HSD17B11: variants seen among roughly 807,000 people sequenced by gnomAD.
The protein encoded by HSD17B11 is hydroxysteroid 17-beta dehydrogenase 11.
Under a neutral mutation model 27.8 loss-of-function variants are expected in HSD17B11, and 22 were observed. The observed-to-expected ratio is 0.79, with a 90% confidence interval of 0.56 to 1.13. The LOEUF is 1.13. HSD17B11 is among the 50% of genes most tolerant of loss of function. The pLI, the probability that HSD17B11 is intolerant of heterozygous loss-of-function variation, is 0.00. For synonymous variants in HSD17B11, 117 were observed against 132.8 expected (o/e 0.88, Z 0.82); for missense variants, 314 against 351.1 (o/e 0.89, Z 0.84).
chr4:87,371,074 A>G (rs76737657), intron 4 of HSD17B11, among the ~76,000 whole-genome samples: 10,042 of 151,434 alleles, frequency 0.066, 1,162 homozygotes, highest in African/African-American at 0.23. Flanking sequence ...CCTATTTTAC[A>G]GATGAGGGAA....
intron 5 of HSD17B11, among the ~76,000 whole-genome samples, chr4:87,355,620 T>C (rs954964591): frequency 2.0e-5 from 3 of 152,232 alleles, no homozygotes; most frequent in Admixed American, 6.5e-5. Flanking sequence ...TCTCTAGAGC[T>C]CAGCTGGGCA....
rs747082132 is a variant in HSD17B11 at position 87,391,104 on chromosome 4, T to G, written c.-34A>C. ...TGGCTGCGAGCGTTTGGTGTGTTTT[T>G]TTTTTTTTTTACCACTCTAAACTGC... On this transcript the variant is annotated 5_prime_UTR_variant, in exon 1 of 7. Transcript: ENST00000358290. 6.5e-6 allele frequency: 10 copies of G among 1,528,312 alleles called. No homozygotes were observed. In the East Asian group the frequency reaches 1.2e-4, roughly 18 times the overall value. 94.7% of individuals were successfully genotyped at this position (1,528,312 alleles called of 1,614,324 possible). A position where few individuals can be genotyped will look rare whatever the true frequency, so the allele number is the denominator to read the frequency against.
chr4:87,386,310 C>T (rs564756565), intron 1 of HSD17B11, among the ~76,000 whole-genome samples: 50 of 151,896 alleles, frequency 3.3e-4, no homozygotes, highest in Middle Eastern at 3.4e-3. Flanking sequence ...TCAAGTGATT[C>T]TCCTGCCTCA....
chr4:87,370,756 T>TTATTATTATTATTTTA, intron 4 of HSD17B11, among the ~76,000 whole-genome samples: 1 of 17,824 alleles, frequency 5.6e-5, no homozygotes, highest in South Asian at 8.7e-4. Flanking sequence ...ATTATTATTA[T>TTATTATTATTATTTTA]TTTTTTTTTT....
chr4:87,387,104 G>C (rs994743092), intron 1 of HSD17B11: 1 of 152,222 alleles, frequency 6.6e-6, no homozygotes. Flanking sequence ...CAGAACTCCC[G>C]GCCTCAAGCA....
At chr4:87,376,082 GTATC>G (rs1735819024) in intron 2 of HSD17B11, among the ~76,000 whole-genome samples, 1 of 152,174 alleles carries the variant, frequency 6.6e-6, no homozygotes, top group South Asian at 2.1e-4. Flanking sequence ...AGCTAACACT[GTATC>G]TAGTACACAC....
chr4:87,368,740 C>A (rs1047735291), intron 4 of HSD17B11, among the ~76,000 whole-genome samples: 4 of 152,156 alleles, frequency 2.6e-5, no homozygotes, highest in Middle Eastern at 3.2e-3. Flanking sequence ...GGCCAAAACC[C>A]ATTAAAACCA....
intron 2 of HSD17B11, among the ~76,000 whole-genome samples, chr4:87,376,723 G>A (rs1254035329): frequency 6.6e-6 from 1 of 152,146 alleles, no homozygotes; most frequent in Non-Finnish European, 1.5e-5. Context: ...CTTATGGCCA[G>A]ATTTCAAAGG....
chr4:87,391,087 A>T lies in HSD17B11; in HGVS notation c.-17T>A. 1 of 1,552,826 alleles carries T rather than the reference A, an allele frequency of 6.4e-7. No individual in the cohort carries two copies. Among genetic ancestry groups the T allele is most frequent in the Non-Finnish European group, 8.7e-7 (1 of 1,146,830 alleles). On this transcript the variant is annotated 5_prime_UTR_variant, in exon 1 of 7. Coordinates refer to ENST00000358290, the MANE Select transcript of HSD17B11 (RefSeq NM_016245.5). Reference sequence around the variant, plus strand: ...AAATTTCATCCCTTTTGTGGCTGCGAGCGTTTGGTGTGTTTTTTTTTTTTT... The same window carrying T: ...AAATTTCATCCCTTTTGTGGCTGCGTGCGTTTGGTGTGTTTTTTTTTTTTT...
chr4:87,338,036 T>C (rs963188841), intron 6 of HSD17B11, among the ~76,000 whole-genome samples: 1 of 152,096 alleles, frequency 6.6e-6, no homozygotes, highest in Admixed American at 6.5e-5. Context: ...GCTAACACGG[T>C]GAAACCCTGT....
rs1720336663 is a variant in HSD17B11 at position 87,386,963 on chromosome 4, GCT to G, written c.210+3896_210+3897del. ...GATCCCACTACTGAACAGCACCAGA[GCT>G]CTGACCTGTTCCGTTTCCAACCTGG... On this transcript the variant is annotated intron_variant, in intron 1 of 6. Coordinates refer to ENST00000358290, the MANE Select transcript of HSD17B11 (RefSeq NM_016245.5). 3 of 152,266 alleles carry G rather than the reference GCT, an allele frequency of 2.0e-5. No homozygotes were observed. In the South Asian group the frequency reaches 6.2e-4, roughly 31 times the overall value. 9.4% of individuals were successfully genotyped at this position (152,266 alleles called of 1,614,324 possible).
intron 1 of HSD17B11, 40 bp from the exon 2 acceptor site, chr4:87,382,402 T>C (rs761995787): frequency 8.5e-7 from 1 of 1,179,576 alleles, no homozygotes; most frequent in Admixed American, 1.9e-5. Context: ...ATAATTGATA[T>C]GAACATATTA....
intron 2 of HSD17B11, among the ~76,000 whole-genome samples, chr4:87,376,009 G>C (rs763566103): frequency 6.6e-6 from 1 of 152,144 alleles, no homozygotes; most frequent in Non-Finnish European, 1.5e-5. Flanking sequence ...CTGCAAAATA[G>C]AGATACTAAT....
At chr4:87,339,711 CA>C (rs2110111512) in intron 6 of HSD17B11, among the ~76,000 whole-genome samples, 1 of 152,222 alleles carries the variant, frequency 6.6e-6, no homozygotes, top group South Asian at 2.1e-4. Flanking sequence ...TAGTGGTTTC[CA>C]ATCTTGGCTG....
rs781211835 is a variant in HSD17B11, at chr4:87,378,960, ATTTT to A, written c.318+3291_318+3294del. Among the ~76,000 whole-genome samples the A allele has an allele frequency of 2.7e-4, 7 of 25,606 alleles. 1 individual carries two copies. The highest frequency in any genetic ancestry group is 9.1e-4 in the African/African-American group (3 of 3,306). The allele number at this position is 25,606 out of a possible 152,430, so 16.8% of individuals were successfully genotyped here. A position where few individuals can be genotyped will look rare whatever the true frequency, so the allele number is the denominator to read the frequency against. On this transcript the variant is annotated intron_variant, in intron 2 of 6. Coordinates refer to ENST00000358290, the MANE Select transcript of HSD17B11 (RefSeq NM_016245.5). ...TATATATATATATTTATATATATAT[ATTTT>A]TTTTTTTTTTTGAGATGGTGTCTTG...
In HSD17B11 at chr4:87,339,694, G is replaced by A. The variant is rs74395082; in HGVS notation, c.812+796C>T. On this transcript the variant is annotated intron_variant, in intron 6 of 6. Transcript: ENST00000358290. ...AGCAGTGTGTTATGATGAGACATTC[G>A]TGAAACTAGTGGTTTCCAATCTTGG... Among the ~76,000 whole-genome samples, 592 of 152,228 alleles carry A rather than the reference G, an allele frequency of 3.9e-3. 3 individuals carry two copies. Among genetic ancestry groups the A allele is most frequent in the African/African-American group, 0.013 (548 of 41,542 alleles).
At chr4:87,378,731 G>A (rs1035335961) in intron 2 of HSD17B11, among the ~76,000 whole-genome samples, 13 of 139,708 alleles carry the variant, frequency 9.3e-5, no homozygotes, top group South Asian at 6.8e-4. Context: ...CCAAGAGTTC[G>A]ATTATTTTAA....
chr4:87,368,215 G>A (rs1198048149), intron 4 of HSD17B11, among the ~76,000 whole-genome samples: 1 of 152,148 alleles, frequency 6.6e-6, no homozygotes, highest in East Asian at 1.9e-4. Flanking sequence ...TACTCAGGAG[G>A]CTGAGGCAGG....
At chr4:87,374,621 C>A (rs1243643167) in intron 3 of HSD17B11, 78 bp downstream of exon 3, 1 of 1,373,580 alleles carries the variant, frequency 7.3e-7, no homozygotes, top group East Asian at 2.4e-5. Context: ...TTTAATACTT[C>A]CTTATGTCTG....
Sources: allele counts gnomAD v4.1 joint callset (sites outside exome capture counted in the v4.1 genomes callset), GRCh38; gene constraint gnomAD v4.1.1; transcripts MANE v1.5; gene names NCBI Gene and HGNC (gene_info 2026-07-23, HGNC 2026-07-21).